The following IQCH variants were observed in gnomAD, a reference collection of about 807,000 sequenced individuals.
IQCH encodes IQ domain-containing protein H.
Under a neutral mutation model 117.0 loss-of-function variants are expected in IQCH, and 98 were observed. The observed-to-expected ratio is 0.84, with a 90% CI of 0.71 to 0.99. IQCH has a LOEUF of 0.99. Among genes scored for constraint, IQCH ranks in the 50% least tolerant of loss-of-function variants. IQCH has a pLI of 0.00. For synonymous variants in IQCH, 412 were observed against 448.2 expected (o/e 0.92, Z 1.02); for missense variants, 1,102 against 1,243.8 (o/e 0.89, Z 1.72).
chr15:67,286,307 T>A (rs1036200799), intron 4 of IQCH, among the ~76,000 whole-genome samples: 1 of 152,222 alleles, frequency 6.6e-6, no homozygotes, highest in African/African-American at 2.4e-5. Context: ...ACTGAACATG[T>A]TTATTAGTTC....
chr15:67,272,771 A>G (rs1468983637), intron 3 of IQCH, among the ~76,000 whole-genome samples: 1 of 152,196 alleles, frequency 6.6e-6, no homozygotes, highest in Admixed American at 6.5e-5. Context: ...TGCATAGAAT[A>G]TCAACTCCAT....
In IQCH at chr15:67,413,072, TGTG is replaced by T. The variant is rs2081488709; in HGVS notation, c.2098-3858_2098-3856del. On this transcript the variant is annotated intron_variant, in intron 14 of 20. Coordinates refer to ENST00000335894, the MANE Select transcript of IQCH (RefSeq NM_001031715.3). This position sits in a 1 kb window ranked among gnomAD's most constrained non-coding sequence, Gnocchi z 5.0. ...TGGAGTGTTTGTCTGTTATGGAAGGTGTGTGTGTGTGTGTGTGTGTGTGTGTGT... is the reference window on the plus strand; with the variant it reads ...TGGAGTGTTTGTCTGTTATGGAAGGTTGTGTGTGTGTGTGTGTGTGTGTGT... 7.3e-6 allele frequency among the ~76,000 whole-genome samples: 1 copy of T among 137,636 alleles called. No individual in the cohort carries two copies. The highest frequency in any genetic ancestry group is 7.0e-5 in the Admixed American group (1 of 14,336). 90.3% of individuals were successfully genotyped at this position (137,636 alleles called of 152,430 possible).
At chr15:67,448,361 C>A (rs1445292854) in intron 16 of IQCH, among the ~76,000 whole-genome samples, 1 of 148,458 alleles carries the variant, frequency 6.7e-6, no homozygotes, top group Non-Finnish European at 1.5e-5. Context: ...TCTCCTAATG[C>A]TATCCCTCCC....
At chr15:67,271,162 G>A (rs896541846) in intron 3 of IQCH, among the ~76,000 whole-genome samples, 2 of 152,148 alleles carry the variant, frequency 1.3e-5, no homozygotes, top group Non-Finnish European at 2.9e-5. Flanking sequence ...TAGAGACAGG[G>A]TTTCACCATG....
intron 3 of IQCH, among the ~76,000 whole-genome samples, chr15:67,277,716 G>A (rs900474739): frequency 2.0e-5 from 3 of 151,812 alleles, no homozygotes; most frequent in African/African-American, 7.3e-5. Context: ...TGTATTTTTA[G>A]TACAGACGGG....
Position 67,466,324 on chromosome 15 carries a change from C to G in IQCH, c.2676+1027C>G, listed in dbSNP as rs1047756598. On this transcript the variant is annotated intron_variant, in intron 17 of 20. Transcript: ENST00000335894. The surrounding 1 kb of genome is among the most constrained non-coding windows in gnomAD (Gnocchi z 4.4). The stretch of plus-strand genomic sequence containing the variant: ...TGTGCAAGAGTGTATTGGGGACTCT[C>G]TGGCCACGGTGCTCTCACAGCTGCC... Among the ~76,000 whole-genome samples the G allele has an allele frequency of 6.6e-6, 1 of 152,216 alleles. No homozygotes were observed. The highest frequency in any genetic ancestry group is 1.5e-5 in the Non-Finnish European group (1 of 68,038).
chr15:67,299,692 T>G (rs932804465), intron 4 of IQCH, among the ~76,000 whole-genome samples: 2 of 152,160 alleles, frequency 1.3e-5, no homozygotes, highest in African/African-American at 4.8e-5. Flanking sequence ...TGCAATCCCA[T>G]GATGCCATTT....
chr15:67,367,404 T>C (rs1056444217), intron 8 of IQCH, among the ~76,000 whole-genome samples: 1 of 152,002 alleles, frequency 6.6e-6, no homozygotes, highest in African/African-American at 2.4e-5. Context: ...ATGGGCGTCA[T>C]GACATGTGCC....
chr15:67,487,753 T>C (rs944274838), intron 18 of IQCH, among the ~76,000 whole-genome samples: 16 of 152,116 alleles, frequency 1.1e-4, no homozygotes, highest in Non-Finnish European at 1.9e-4. Flanking sequence ...TCAGATTTCT[T>C]GATAAAGTGG....
At position 67,366,408 on chromosome 15, in the gene IQCH, A is replaced by G. The variant is rs369764343; in HGVS notation, c.754-5703A>G. Among the ~76,000 whole-genome samples, 17 of 152,332 alleles carry G rather than the reference A, an allele frequency of 1.1e-4. No homozygotes were observed. The highest frequency in any genetic ancestry group is 4.1e-4 in the African/African-American group (17 of 41,584). On this transcript the variant is annotated intron_variant, in intron 8 of 20. Transcript: ENST00000335894. This position sits in a 1 kb window ranked among gnomAD's most constrained non-coding sequence, Gnocchi z 4.4. Reference sequence around the variant, plus strand: ...CTATTTACAAAATCTTCTTGATTCTATTCTGTTTGATCTTCAACCAGATTT... The same window carrying G: ...CTATTTACAAAATCTTCTTGATTCTGTTCTGTTTGATCTTCAACCAGATTT...
rs1970441012 is a variant in IQCH at position 67,369,333 on chromosome 15, AGG to A, written c.754-2777_754-2776del. ...ATTAGTGAATACAGGCATCTCGCAA[AGG>A]TATGATTGTGACCCAAGAAGCACCA... On this transcript the variant is annotated intron_variant, in intron 8 of 20. Transcript: ENST00000335894. The surrounding 1 kb of genome is among the most constrained non-coding windows in gnomAD (Gnocchi z 5.2). Among the ~76,000 whole-genome samples the A allele has an allele frequency of 6.6e-6, 1 of 152,188 alleles. No individual in the cohort carries two copies.
At chr15:67,299,687 T>G (rs1157662184) in intron 4 of IQCH, among the ~76,000 whole-genome samples, 1 of 152,124 alleles carries the variant, frequency 6.6e-6, no homozygotes, top group East Asian at 1.9e-4. Flanking sequence ...CTGATTGCAA[T>G]CCCATGATGC....
chr15:67,463,737 CCTTT>C lies in IQCH; in HGVS notation c.2506-1383_2506-1380del, dbSNP rs771388699. The stretch of plus-strand genomic sequence containing the variant: ...ATTTCATTAGACAAACCCAGTCTGT[CCTTT>C]CTTTCTGCTTCAGTAGTACTTTGTT... On this transcript the variant is annotated intron_variant, in intron 16 of 20. Coordinates refer to ENST00000335894, the MANE Select transcript of IQCH (RefSeq NM_001031715.3). This position sits in a 1 kb window ranked among gnomAD's most constrained non-coding sequence, Gnocchi z 4.0. Among the ~76,000 whole-genome samples the C allele has an allele frequency of 6.6e-6, 1 of 152,318 alleles. No individual in the cohort carries two copies. Among genetic ancestry groups the C allele is most frequent in the Middle Eastern group, 3.4e-3 (1 of 294 alleles).
rs1370603971 is a variant in IQCH, at chr15:67,500,598, G to C, written c.2971-35G>C. On this transcript the variant is annotated intron_variant, in intron 20 of 20. Transcript: ENST00000335894. The surrounding 1 kb of genome is among the most constrained non-coding windows in gnomAD (Gnocchi z 4.4). The stretch of plus-strand genomic sequence containing the variant: ...TGCTTGGGGGAGAGGGATTGTAAGA[G>C]GTCTTTAAGTAATAAATATTGTCTT... 9.3e-7 allele frequency: 1 copy of C among 1,079,420 alleles called. No individual in the cohort carries two copies. Among genetic ancestry groups the C allele is most frequent in the Non-Finnish European group, 1.4e-6 (1 of 715,668 alleles). The allele number at this position is 1,079,420 out of a possible 1,614,324, so 66.9% of individuals were successfully genotyped here. A position where few individuals can be genotyped will look rare whatever the true frequency, so the allele number is the denominator to read the frequency against.
chr15:67,330,747 G>A (rs973909554), intron 4 of IQCH, among the ~76,000 whole-genome samples: 6 of 152,196 alleles, frequency 3.9e-5, no homozygotes, highest in African/African-American at 1.4e-4. Context: ...TAAACTGTAT[G>A]CTTTGGCTAT....
chr15:67,318,247 GT>G (rs1355875162), intron 4 of IQCH, among the ~76,000 whole-genome samples: 2 of 150,600 alleles, frequency 1.3e-5, no homozygotes, highest in Non-Finnish European at 3.0e-5. Context: ...CCTCCTTTTT[GT>G]TTCTCTCTTT....
At position 67,422,481 on chromosome 15, in the gene IQCH, A is replaced by G. The variant is rs539161956; in HGVS notation, c.2505+904A>G. 3.1e-4 allele frequency among the ~76,000 whole-genome samples: 47 copies of G among 152,314 alleles called. No homozygotes were observed. The highest frequency in any genetic ancestry group is 1.1e-3 in the African/African-American group (45 of 41,564). On this transcript the variant is annotated intron_variant, in intron 16 of 20. Coordinates refer to ENST00000335894, the MANE Select transcript of IQCH (RefSeq NM_001031715.3). The surrounding 1 kb of genome is among the most constrained non-coding windows in gnomAD (Gnocchi z 4.7). The stretch of plus-strand genomic sequence containing the variant: ...GTCCTGTGTACTCCTTGCCAAGCAC[A>G]TGGCTCTTCCTCCTCCTAGAGGCCA...
At chr15:67,341,675 T>TTTTTTTTTAAAAGTAAAGTTA (rs1491266346) in intron 5 of IQCH, among the ~76,000 whole-genome samples, 48 of 152,312 alleles carry the variant, frequency 3.2e-4, no homozygotes, top group African/African-American at 1.1e-3. Context: ...GTTATGACTC[T>TTTTTTTTTAAAAGTAAAGTTA]TATATAAATA....
chr15:67,377,331 C>A (rs1169744273), intron 10 of IQCH, among the ~76,000 whole-genome samples: 1 of 151,844 alleles, frequency 6.6e-6, no homozygotes, highest in East Asian at 1.9e-4. Flanking sequence ...ATAGGCTGAT[C>A]TCTTAATTGG....
Sources: gnomAD v4.1 joint callset for allele counts (sites outside exome capture counted in the v4.1 genomes callset) on GRCh38, gnomAD v4.1.1 for gene constraint, Gnocchi (gnomAD v3.1) non-coding constraint, MANE v1.5 for transcripts, NCBI Gene and HGNC (gene_info 2026-07-23, HGNC 2026-07-21) for gene names.